EPB41: variants seen among roughly 807,000 people sequenced by gnomAD.
EPB41 encodes erythrocyte membrane protein band 4.1.
Under a neutral mutation model 108.0 loss-of-function variants are expected in EPB41, and 65 were observed. That is an observed-to-expected ratio of 0.60 (90% CI 0.49 to 0.74). The LOEUF is 0.74. Ranked by LOEUF, EPB41 falls within the 30% of genes least tolerant of loss-of-function variation. The pLI, the probability that EPB41 is intolerant of heterozygous loss-of-function variation, is 0.00. For missense variants in EPB41, 875 were observed against 1,037.0 expected, an observed-to-expected ratio of 0.84 and a Z score of 2.15; for synonymous variants, 336 against 358.9, an observed-to-expected ratio of 0.94 and a Z score of 0.72.
At chr1:29,009,422 A>G (rs1299457050) in intron 4 of EPB41, among the ~76,000 whole-genome samples, 1 of 152,210 alleles carries the variant, frequency 6.6e-6, no homozygotes, top group African/African-American at 2.4e-5. Flanking sequence ...CCCTATGTCA[A>G]GTTAGTAGAA....
At chr1:29,075,175 AT>A (rs1395724858) in intron 16 of EPB41, among the ~76,000 whole-genome samples, 5 of 145,060 alleles carry the variant, frequency 3.4e-5, no homozygotes, top group African/African-American at 1.0e-4. Flanking sequence ...AAAAAAAAAA[AT>A]CTTTTGTGAT....
chr1:28,913,258 T>C (rs1014801699), upstream of EPB41, among the ~76,000 whole-genome samples: 5 of 151,898 alleles, frequency 3.3e-5, no homozygotes, highest in Non-Finnish European at 7.4e-5. Context: ...ACTAACACGG[T>C]GAAACCCCGT....
intron 1 of EPB41, among the ~76,000 whole-genome samples, chr1:28,919,812 A>G (rs551568198): frequency 1.3e-5 from 2 of 152,200 alleles, no homozygotes; most frequent in African/African-American, 2.4e-5. Flanking sequence ...CTTTTAAATT[A>G]TTTATTGTTT....
In EPB41 at chr1:29,107,428, T is replaced by C. The variant is rs563922069; in HGVS notation, c.2314-1908T>C. Among the ~76,000 whole-genome samples, 10 of 152,272 alleles carry C rather than the reference T, an allele frequency of 6.6e-5. No individual in the cohort carries two copies. The South Asian group carries it at 2.1e-3, about 32-fold the overall frequency. On this transcript the variant is annotated intron_variant, in intron 17 of 20. Coordinates refer to ENST00000343067, the MANE Select transcript of EPB41 (RefSeq NM_001376013.1). ...AACTGTACAATGTGTATAATAATGG[T>C]TCCTCCCTCAGATATTGAGAGGCAT...
intron 16 of EPB41, chr1:29,096,135 A>G: frequency 1.0e-6 from 1 of 985,210 alleles, no homozygotes; most frequent in Non-Finnish European, 1.2e-6. Flanking sequence ...TTGCTTTTGT[A>G]TCTGTTCATT....
chr1:28,974,473 C>G (rs942577819), intron 1 of EPB41, among the ~76,000 whole-genome samples: 1 of 152,198 alleles, frequency 6.6e-6, no homozygotes, highest in Non-Finnish European at 1.5e-5. Flanking sequence ...AAATTCAAAT[C>G]ATTCTAGTAT....
chr1:29,035,769 T>C, intron 9 of EPB41, 57 bp from the exon 10 acceptor site: 1 of 1,251,266 alleles, frequency 8.0e-7, no homozygotes, highest in Non-Finnish European at 1.2e-6. Context: ...ATCACTGTAA[T>C]CTGGTACTGT....
rs1039200362 is a variant in EPB41 at position 29,118,591 on chromosome 1, A to T, written c.*1779A>T. 1 of 152,070 alleles carries T rather than the reference A, an allele frequency of 6.6e-6. No homozygotes were observed. Among genetic ancestry groups the T allele is most frequent in the African/African-American group, 2.4e-5 (1 of 41,386 alleles). 9.4% of individuals were successfully genotyped at this position (152,070 alleles called of 1,614,324 possible). ...AATGTCTAAAGCTGCTTCTCCCAACACCGTCCAAAGTCTCCACTGCCTGAG... is the reference window on the plus strand; with the variant it reads ...AATGTCTAAAGCTGCTTCTCCCAACTCCGTCCAAAGTCTCCACTGCCTGAG... On this transcript the variant is annotated 3_prime_UTR_variant, in exon 21 of 21. Transcript: ENST00000343067.
intron 16 of EPB41, among the ~76,000 whole-genome samples, chr1:29,082,162 T>C (rs1310562497): frequency 6.6e-6 from 1 of 152,228 alleles, no homozygotes; most frequent in African/African-American, 2.4e-5. Context: ...TCTCACTCTG[T>C]CACCCCGGCT....
At chr1:28,961,100 A>C (rs767760413) in intron 1 of EPB41, among the ~76,000 whole-genome samples, 1 of 149,920 alleles carries the variant, frequency 6.7e-6, no homozygotes, top group Non-Finnish European at 1.5e-5. Context: ...TCTTTCTTTT[A>C]GGCTGTTTCT....
intron 1 of EPB41, among the ~76,000 whole-genome samples, chr1:28,924,854 T>C (rs953601257): frequency 3.3e-5 from 5 of 152,016 alleles, no homozygotes; most frequent in Non-Finnish European, 5.9e-5. Context: ...TGGAGTGCAG[T>C]GGTGTGGTCA....
chr1:28,982,284 C>T, intron 1 of EPB41: 2 of 549,232 alleles, frequency 3.6e-6, no homozygotes, highest in East Asian at 4.1e-5. Flanking sequence ...GCATCTAAAA[C>T]CACAGCTTCT....
At chr1:28,923,344 C>G (rs1460790574) in intron 1 of EPB41, among the ~76,000 whole-genome samples, 1 of 152,070 alleles carries the variant, frequency 6.6e-6, no homozygotes, top group Admixed American at 6.6e-5. Flanking sequence ...ATCTACCCGC[C>G]TCGGCCTCCC....
Position 29,033,137 on chromosome 1 carries a change from C to A in EPB41, c.1257C>A (p.Gly419=). 1 of 1,613,876 alleles carries A rather than the reference C, an allele frequency of 6.2e-7. No homozygotes were observed. The highest frequency in any genetic ancestry group is 8.5e-7 in the Non-Finnish European group (1 of 1,179,886). The change falls in exon 9 of 21, where the codon GGC becomes GGA. Residue 419 remains glycine, a synonymous_variant. Coordinates refer to ENST00000343067, the MANE Select transcript of EPB41 (RefSeq NM_001376013.1). The stretch of plus-strand genomic sequence containing the variant: ...TCATCCTAGGTGTCTGCTCTAGTGG[C>A]CTTCTGGTTTACAAAGATAAGCTGA... The part of the protein sequence containing the change: ...VDIILGVCSS[G]LLVYKDKLRI...
chr1:28,934,649 C>T (rs1358488529), intron 1 of EPB41, among the ~76,000 whole-genome samples: 2 of 119,158 alleles, frequency 1.7e-5, no homozygotes, highest in Non-Finnish European at 3.3e-5. Flanking sequence ...TTTGGTTGGC[C>T]TCTGGTTCTT....
chr1:29,045,452 C>G (rs1481484552), intron 11 of EPB41, among the ~76,000 whole-genome samples: 1 of 151,812 alleles, frequency 6.6e-6, no homozygotes, highest in Non-Finnish European at 1.5e-5. Flanking sequence ...CTCCCAGGCC[C>G]AGGTGATCCT....
At chr1:28,950,265 G>A (rs1316393219) in intron 1 of EPB41, among the ~76,000 whole-genome samples, 1 of 152,174 alleles carries the variant, frequency 6.6e-6, no homozygotes, top group Non-Finnish European at 1.5e-5. Flanking sequence ...ACTATCAACA[G>A]TTTAATAAAC....
At chr1:29,034,892 G>T (rs1324414691) in intron 9 of EPB41, among the ~76,000 whole-genome samples, 2 of 150,744 alleles carry the variant, frequency 1.3e-5, no homozygotes, top group Admixed American at 6.6e-5. Flanking sequence ...AATAATAAGT[G>T]TGTCAGGTAA....
At chr1:29,008,652 C>T (rs941691525) in intron 4 of EPB41, among the ~76,000 whole-genome samples, 4 of 152,164 alleles carry the variant, frequency 2.6e-5, no homozygotes, top group Admixed American at 2.6e-4. Flanking sequence ...ATTGATGTCA[C>T]TCCTTTATTT....
Sources: gnomAD v4.1 joint callset for allele counts (sites outside exome capture counted in the v4.1 genomes callset) on GRCh38, gnomAD v4.1.1 for gene constraint, MANE v1.5 for transcripts, NCBI Gene and HGNC (gene_info 2026-07-23, HGNC 2026-07-21) for gene names.